Variants in ESR1 observed in about 807,000 individuals in gnomAD.
ESR1 encodes the protein estrogen receptor.
In ESR1, 12 loss-of-function variants were observed where a neutral mutation model predicts 52.7. The ratio of observed to expected loss-of-function variants is 0.23; its 90% CI spans 0.15 to 0.37. ESR1 has a LOEUF of 0.37. ESR1 is among the 10% of genes least tolerant of loss of function. The probability of loss-of-function intolerance (pLI) is 1.00; values close to 1 mark genes in which losing one functional copy is unlikely to be tolerated. For synonymous variants in ESR1, 305 were observed against 316.8 expected, an observed-to-expected ratio of 0.96 and a Z score of 0.39; for missense variants, 584 against 779.7, an observed-to-expected ratio of 0.75 and a Z score of 2.99.
intron 2 of ESR1, among the ~76,000 whole-genome samples, chr6:151,796,687 C>T (rs567895909): frequency 1.3e-5 from 2 of 152,242 alleles, no homozygotes; most frequent in South Asian, 2.1e-4. Flanking sequence ...TAGTTTTGCA[C>T]CAACCAAATA....
intron 4 of ESR1, among the ~76,000 whole-genome samples, chr6:151,975,843 A>G (rs190969075): frequency 1.8e-4 from 28 of 152,328 alleles, no homozygotes; most frequent in Admixed American, 1.8e-3. Flanking sequence ...ATCTGTCATT[A>G]TAGTCTTATC....
intron 4 of ESR1, among the ~76,000 whole-genome samples, chr6:151,954,968 C>G (rs1420160618): frequency 6.6e-6 from 1 of 151,870 alleles, no homozygotes; most frequent in Non-Finnish European, 1.5e-5. Flanking sequence ...GTGGGAGGGT[C>G]CACTGAACCT....
At chr6:152,119,244 A>G (rs568317098) in intron 6 of ESR1, among the ~76,000 whole-genome samples, 31 of 152,270 alleles carry the variant, frequency 2.0e-4, no homozygotes, top group African/African-American at 7.0e-4. Flanking sequence ...CTGCATTTTT[A>G]TAGTAAATCT....
chr6:151,746,735 TA>T (rs1783511818), intron 2 of ESR1, among the ~76,000 whole-genome samples: 1 of 152,242 alleles, frequency 6.6e-6, no homozygotes, highest in Admixed American at 6.5e-5. Flanking sequence ...AACTCTTTTA[TA>T]TAACGAACTG....
chr6:151,714,735 G>T lies in ESR1; in HGVS notation c.-71+12730G>T, dbSNP rs148341809. 5.4e-4 allele frequency among the ~76,000 whole-genome samples: 82 copies of T among 151,988 alleles called. 1 individual carries two copies. In the East Asian group the frequency reaches 0.014, roughly 27 times the overall value. ...TTATTTTGAGCCTATGTGTATCTTT[G>T]CATGTGATATGGGTCTCCTGAATAC... is the stretch of plus-strand genomic sequence containing the variant. On this transcript the variant is annotated intron_variant, in intron 2 of 2. Transcript: ENST00000404742.
intron 6 of ESR1, among the ~76,000 whole-genome samples, chr6:152,110,152 G>C (rs187213130): frequency 2.7e-4 from 41 of 152,324 alleles, no homozygotes; most frequent in African/African-American, 7.7e-4. Flanking sequence ...CATGAAATTA[G>C]TCTTCCTGAC....
chr6:151,861,768 CT>C (rs148158091), intron 2 of ESR1, among the ~76,000 whole-genome samples: 1,757 of 149,494 alleles, frequency 0.012, 31 homozygotes, highest in African/African-American at 0.035. Flanking sequence ...TATTCTTACA[CT>C]TTTTTTTTTG....
chr6:151,951,877 C>T (rs558435989), intron 4 of ESR1, among the ~76,000 whole-genome samples: 35 of 152,220 alleles, frequency 2.3e-4, no homozygotes, highest in Non-Finnish European at 5.1e-4. Flanking sequence ...GGGGCTCCAC[C>T]CTTGTTCCTC....
At chr6:152,064,044 C>T (rs894402500) in intron 6 of ESR1, among the ~76,000 whole-genome samples, 2 of 152,172 alleles carry the variant, frequency 1.3e-5, no homozygotes, top group Non-Finnish European at 2.9e-5. Flanking sequence ...GGGAGATATT[C>T]GTCATCATTT....
At chr6:151,847,827 C>T (rs1329375032) in intron 2 of ESR1, among the ~76,000 whole-genome samples, 1 of 149,158 alleles carries the variant, frequency 6.7e-6, no homozygotes, top group African/African-American at 2.5e-5. Context: ...CGCCTATGTC[C>T]TGAATGGTAA....
chr6:151,699,790 C>A (rs1779630974), intron 1 of ESR1, among the ~76,000 whole-genome samples: 1 of 152,094 alleles, frequency 6.6e-6, no homozygotes, highest in East Asian at 1.9e-4. Flanking sequence ...TCTGAGAGAT[C>A]AAAGGAAAAT....
intron 4 of ESR1, among the ~76,000 whole-genome samples, chr6:152,004,635 C>T (rs1448699862): frequency 6.6e-6 from 1 of 151,654 alleles, no homozygotes; most frequent in Non-Finnish European, 1.5e-5. Flanking sequence ...AGAAACATCA[C>T]CTTTGAATCT....
At position 151,769,976 on chromosome 6, in the gene ESR1, C is replaced by A. The variant is rs576649964; in HGVS notation, c.-70-37867C>A. On this transcript the variant is annotated intron_variant, in intron 2 of 2. Transcript: ENST00000404742. ...CCGGGAGGTGAAGGTTGCAGTGAGC[C>A]AAGATCGCACCACTGCATTCCGGCC... Among the ~76,000 whole-genome samples, 4 of 148,790 alleles carry A rather than the reference C, an allele frequency of 2.7e-5. No homozygotes were observed. In the South Asian group the frequency reaches 8.6e-4, roughly 32 times the overall value.
At chr6:152,105,525 A>C (rs2051054005), downstream of ESR1, among the ~76,000 whole-genome samples, 1 of 151,272 alleles carries the variant, frequency 6.6e-6, no homozygotes, top group Admixed American at 6.6e-5. Context: ...TCCTGGGTTC[A>C]AGCGATTCTC....
In ESR1 at chr6:151,671,380, A is replaced by G. The variant is rs185410461; in HGVS notation, n.73+14617A>G. Among the ~76,000 whole-genome samples the G allele has an allele frequency of 6.1e-4, 93 of 152,346 alleles. No homozygotes were observed. The Middle Eastern group carries it at 0.017, about 28-fold the overall frequency. ...CAAGAAGAAAATTCTATCACTTGTG[A>G]CAACGTAGATGAACCTGGAGGACAT... On this transcript the variant is annotated intron_variant and non_coding_transcript_variant, in intron 1 of 2. Coordinates refer to the ESR1 transcript ENST00000473497.
chr6:151,748,444 A>G (rs559110736), intron 2 of ESR1, among the ~76,000 whole-genome samples: 2 of 152,298 alleles, frequency 1.3e-5, no homozygotes, highest in Admixed American at 1.3e-4. Flanking sequence ...CTCTTAGCAG[A>G]GTATTTTTTG....
At chr6:151,700,899 G>A (rs1281255995) in intron 1 of ESR1, among the ~76,000 whole-genome samples, 1 of 151,984 alleles carries the variant, frequency 6.6e-6, no homozygotes, top group East Asian at 1.9e-4. Flanking sequence ...AACAGCTTAG[G>A]CTGATGACCC....
At chr6:151,677,401 G>A (rs1468717413) in intron 1 of ESR1, among the ~76,000 whole-genome samples, 1 of 152,230 alleles carries the variant, frequency 6.6e-6, no homozygotes, top group African/African-American at 2.4e-5. Context: ...CAAGAAGAGA[G>A]AATGTTACTG....
chr6:152,040,467 C>T (rs1306526023), intron 5 of ESR1, among the ~76,000 whole-genome samples: 2 of 152,176 alleles, frequency 1.3e-5, no homozygotes, highest in Non-Finnish European at 2.9e-5. Context: ...TCCATCCATC[C>T]ACATACCTCT....
Sources: allele counts gnomAD v4.1 joint callset (sites outside exome capture counted in the v4.1 genomes callset), GRCh38; gene constraint gnomAD v4.1.1; transcripts MANE v1.5; gene names NCBI Gene and HGNC (gene_info 2026-07-23, HGNC 2026-07-21).